The following HVCN1 variants were observed in gnomAD, a reference collection of about 807,000 sequenced individuals.
HVCN1 encodes the protein voltage-gated hydrogen channel 1.
A neutral mutation model predicts 29.2 loss-of-function variants in HVCN1; 14 were observed. The ratio of observed to expected loss-of-function variants is 0.48; its 90% CI spans 0.32 to 0.75. The LOEUF is 0.75. Among genes scored for constraint, HVCN1 ranks in the 30% least tolerant of loss-of-function variants. HVCN1 has a pLI of 0.04. For missense variants in HVCN1, 263 were observed against 341.8 expected (o/e 0.77, Z 1.82); for synonymous variants, 131 against 133.2 (o/e 0.98, Z 0.11).
At chr12:110,678,284 C>A (rs941910079) in intron 3 of HVCN1, among the ~76,000 whole-genome samples, 1 of 152,134 alleles carries the variant, frequency 6.6e-6, no homozygotes, top group African/African-American at 2.4e-5. Context: ...CTGGGGAAGC[C>A]CCATGCTGGG....
At chr12:110,653,843 TAAAG>T (rs964795525) in intron 5 of HVCN1, among the ~76,000 whole-genome samples, 36 of 151,978 alleles carry the variant, frequency 2.4e-4, no homozygotes, top group African/African-American at 8.0e-4. Flanking sequence ...CTCAAAAAAA[TAAAG>T]AGAGACATTT....
rs63680261 is a variant in HVCN1, at chr12:110,650,695, G to GT, written c.644-416dup. 5.7e-3 allele frequency among the ~76,000 whole-genome samples: 732 copies of GT among 129,508 alleles called. 7 individuals carry two copies. The highest frequency in any genetic ancestry group is 0.02 in the South Asian group (83 of 4,250). 85.0% of individuals were successfully genotyped at this position (129,508 alleles called of 152,430 possible). On this transcript the variant is annotated intron_variant, in intron 6 of 7. Coordinates refer to ENST00000242607, the MANE Select transcript of HVCN1 (RefSeq NM_032369.4). ...TTTTCTTTCCTTTGACAAGAGTCCA[G>GT]TTTTTTTTTTTTTTTTTGAGATGGG...
At chr12:110,685,852 G>A (rs1252424186) in intron 2 of HVCN1, among the ~76,000 whole-genome samples, 2 of 152,022 alleles carry the variant, frequency 1.3e-5, no homozygotes, top group Non-Finnish European at 2.9e-5. Context: ...ACCAAGTCCA[G>A]CTAATTTTTG....
intron 1 of HVCN1, chr12:110,702,469 CTATT>C (rs1346718045): frequency 1.3e-5 from 2 of 151,986 alleles, no homozygotes; most frequent in African/African-American, 4.8e-5. Context: ...ATACAATAAA[CTATT>C]TAATTTATTA....
At chr12:110,702,948 C>A (rs892111217) in intron 1 of HVCN1, among the ~76,000 whole-genome samples, 1 of 152,100 alleles carries the variant, frequency 6.6e-6, no homozygotes, top group African/African-American at 2.4e-5. Flanking sequence ...GTCACCATGC[C>A]CAGCAATTTT....
chr12:110,683,222 T>C lies in HVCN1; in HGVS notation c.21+3A>G. 6.2e-7 allele frequency: 1 copy of C among 1,613,070 alleles called. No homozygotes were observed. The highest frequency in any genetic ancestry group is 8.5e-7 in the Non-Finnish European group (1 of 1,179,674). On this transcript the variant is annotated splice_donor_region_variant and intron_variant, in intron 3 of 7. Transcript: ENST00000242607. ...AATGCTGCAAGACCACAGAATCCAT[T>C]ACCTTTTCGTCCCAGGTGGCCATGT...
At chr12:110,681,655 A>G (rs1566059089) in intron 3 of HVCN1, among the ~76,000 whole-genome samples, 1 of 152,098 alleles carries the variant, frequency 6.6e-6, no homozygotes, top group African/African-American at 2.4e-5. Flanking sequence ...TGAAATACAC[A>G]ATCACCATCA....
At chr12:110,677,391 G>A (rs867933554) in intron 3 of HVCN1, among the ~76,000 whole-genome samples, 4 of 152,224 alleles carry the variant, frequency 2.6e-5, no homozygotes, top group East Asian at 1.9e-4. Context: ...CTTCTTTTGC[G>A]TAGAATGTGC....
chr12:110,704,938 C>T (rs963190396), exon 1 of HVCN1: 6 of 152,234 alleles, frequency 3.9e-5, no homozygotes, highest in African/African-American at 1.4e-4. Context: ...AGGAGGCAGG[C>T]TGGGAAAGAA....
chr12:110,658,995 A>G lies in HVCN1; in HGVS notation c.306+2169T>C, dbSNP rs568473689. 3.7e-4 allele frequency among the ~76,000 whole-genome samples: 57 copies of G among 152,334 alleles called. No homozygotes were observed. Among genetic ancestry groups the G allele is most frequent in the Middle Eastern group, 3.4e-3 (1 of 294 alleles). On this transcript the variant is annotated intron_variant, in intron 4 of 7. Transcript: ENST00000242607. This position sits in a 1 kb window ranked among gnomAD's most constrained non-coding sequence, Gnocchi z 5.0. ...GGCCCAGGGCTCCCCTTGCAGCTGC[A>G]AGGAAGCTGTTTCCTTCCTTCTGCT...
At chr12:110,653,701 G>A (rs1012659967) in intron 5 of HVCN1, among the ~76,000 whole-genome samples, 1 of 152,128 alleles carries the variant, frequency 6.6e-6, no homozygotes, top group African/African-American at 2.4e-5. Flanking sequence ...AATTAGCTGG[G>A]TGTGGTGGCG....
chr12:110,649,360 G>T lies in HVCN1; in HGVS notation c.*50C>A. On this transcript the variant is annotated 3_prime_UTR_variant, in exon 8 of 8. Coordinates refer to ENST00000242607, the MANE Select transcript of HVCN1 (RefSeq NM_032369.4). ...AGGGGCAGCTGTTCCTCTCGTGACAGCACAGGCCCATGAGACAGTGTCTTC... is the reference window on the plus strand; with the variant it reads ...AGGGGCAGCTGTTCCTCTCGTGACATCACAGGCCCATGAGACAGTGTCTTC... The T allele has an allele frequency of 6.8e-7, 1 of 1,474,392 alleles. No individual in the cohort carries two copies. The highest frequency in any genetic ancestry group is 9.4e-7 in the Non-Finnish European group (1 of 1,059,736). The allele number at this position is 1,474,392 out of a possible 1,614,324, so 91.3% of individuals were successfully genotyped here.
At chr12:110,677,907 TG>T (rs1437145362) in intron 3 of HVCN1, among the ~76,000 whole-genome samples, 1 of 152,202 alleles carries the variant, frequency 6.6e-6, no homozygotes, top group Non-Finnish European at 1.5e-5. Flanking sequence ...GGAACCCTCC[TG>T]CCTGATAGAT....
chr12:110,661,427 C>G lies in HVCN1; in HGVS notation c.43G>C (p.Val15Leu). ...TTGCTCATCCTCTCAGCGGGAGCCACCTTGGCCCTGCGGGTGACTGCCTAG... is the reference window on the plus strand; with the variant it reads ...TTGCTCATCCTCTCAGCGGGAGCCAGCTTGGCCCTGCGGGTGACTGCCTAG... ...DEKAVTRRAK[V>L]APAERMSKFL... The change falls in exon 4 of 8, where the codon GTG (valine) becomes CTG (leucine). Residue 15 changes from valine to leucine, a missense_variant. Transcript: ENST00000242607. The surrounding 1 kb of genome is among the most constrained non-coding windows in gnomAD (Gnocchi z 6.2). The G allele has an allele frequency of 6.2e-7, 1 of 1,614,152 alleles. No individual in the cohort carries two copies. The highest frequency in any genetic ancestry group is 8.5e-7 in the Non-Finnish European group (1 of 1,179,950).
chr12:110,670,261 C>G (rs2068528818), intron 3 of HVCN1, among the ~76,000 whole-genome samples: 1 of 152,066 alleles, frequency 6.6e-6, no homozygotes, highest in Non-Finnish European at 1.5e-5. Flanking sequence ...GGGGAAAGTC[C>G]CTAGTTCATT....
In HVCN1 at chr12:110,651,180, A is replaced by G. The variant is rs200277616; in HGVS notation, c.643+37T>C. 4.0e-4 allele frequency: 589 copies of G among 1,476,990 alleles called. 2 individuals carry two copies. In the African/African-American group the frequency reaches 7.3e-3, roughly 18 times the overall value. 91.5% of individuals were successfully genotyped at this position (1,476,990 alleles called of 1,614,324 possible). ...GCCTTGGATGTATGCCTGGGCCCCT[A>G]CTCTCCATCCACAGCCTGGGAGTGC... On this transcript the variant is annotated intron_variant, in intron 6 of 7. Transcript: ENST00000242607.
chr12:110,679,227 G>A (rs539729523), intron 3 of HVCN1, among the ~76,000 whole-genome samples: 1 of 152,326 alleles, frequency 6.6e-6, no homozygotes, highest in Admixed American at 6.5e-5. Context: ...GGGTGCTGCG[G>A]TGGTGGATGT....
In HVCN1 at chr12:110,676,586, C is replaced by T. The variant is rs1265297107; in HGVS notation, c.21+6639G>A. Among the ~76,000 whole-genome samples the T allele has an allele frequency of 6.6e-6, 1 of 152,136 alleles. No individual in the cohort carries two copies. Among genetic ancestry groups the T allele is most frequent in the African/African-American group, 2.4e-5 (1 of 41,412 alleles). On this transcript the variant is annotated intron_variant, in intron 3 of 7. Coordinates refer to ENST00000242607, the MANE Select transcript of HVCN1 (RefSeq NM_032369.4). The surrounding 1 kb of genome is among the most constrained non-coding windows in gnomAD (Gnocchi z 4.1). ...GCCAGGCAGAGGGTACCTCTGTGCC[C>T]AGCTCCAATGAAAACTCTGGGCATT...
chr12:110,703,783 C>T (rs1272999393), intron 1 of HVCN1, among the ~76,000 whole-genome samples: 1 of 152,200 alleles, frequency 6.6e-6, no homozygotes, highest in East Asian at 1.9e-4. Context: ...CTCCCAGGTT[C>T]AAGCGATTCT....
Sources: gnomAD v4.1 joint callset for allele counts (sites outside exome capture counted in the v4.1 genomes callset) on GRCh38, gnomAD v4.1.1 for gene constraint, Gnocchi (gnomAD v3.1) non-coding constraint, MANE v1.5 for transcripts, NCBI Gene and HGNC (gene_info 2026-07-23, HGNC 2026-07-21) for gene names.